The following PRR12 variants were observed in gnomAD, a reference collection of about 807,000 sequenced individuals.
PRR12 encodes the protein proline-rich protein 12.
Under a neutral mutation model 138.0 loss-of-function variants are expected in PRR12, and 12 were observed. The observed-to-expected ratio is 0.09, with a 90% CI of 0.06 to 0.14. PRR12 has a LOEUF of 0.14. Ranked by LOEUF, PRR12 falls within the 10% of genes least tolerant of loss-of-function variation. The probability of loss-of-function intolerance (pLI) is 1.00; values close to 1 mark genes in which losing one functional copy is unlikely to be tolerated. For missense variants in PRR12, 2,692 were observed against 2,861.3 expected (o/e 0.94, Z 1.35); for synonymous variants, 1,567 against 1,291.7 (o/e 1.21, Z -4.57).
Position 49,597,443 on chromosome 19 carries a change from G to C in PRR12, c.3108G>C (p.Gln1036His). ...GCCTGATCCAGAGTGGCCCCCACCA[G>C]GCGGCGCCACCACCCCCGCCTCCGC... ...PLGLIQSGPH[Q>H]AAPPPPPPPP... The change falls in exon 4 of 14, where the codon CAG (glutamine) becomes CAC (histidine). Residue 1036 changes from glutamine to histidine, a missense_variant. This residue lies in a region of PRR12 where 840 missense variants were observed against 689.8 expected (regional missense o/e 1.22). Transcript: ENST00000418929. The surrounding 1 kb of genome is among the most constrained non-coding windows in gnomAD (Gnocchi z 6.3). The C allele has an allele frequency of 6.5e-7, 1 of 1,538,670 alleles. No homozygotes were observed. Among genetic ancestry groups the C allele is most frequent in the Non-Finnish European group, 8.7e-7 (1 of 1,145,548 alleles).
intron 11 of PRR12, among the ~76,000 whole-genome samples, chr19:49,624,375 T>A (rs986926395): frequency 2.0e-5 from 3 of 148,688 alleles, no homozygotes; most frequent in Non-Finnish European, 3.0e-5. Context: ...GTGGTTAGGA[T>A]GGGGCTGAGA....
intron 6 of PRR12, among the ~76,000 whole-genome samples, chr19:49,603,782 T>G (rs542416086): frequency 6.6e-6 from 1 of 152,148 alleles, no homozygotes; most frequent in African/African-American, 2.4e-5. Context: ...ATGGGAAGAA[T>G]TAATTATTAA....
intron 8 of PRR12, 59 bp downstream of exon 8, chr19:49,615,068 G>A: frequency 1.2e-6 from 2 of 1,603,772 alleles, no homozygotes; most frequent in Non-Finnish European, 1.7e-6. Context: ...GCATGGGGAT[G>A]CGGCATGCAA....
intron 2 of PRR12, among the ~76,000 whole-genome samples, chr19:49,593,795 T>G (rs1196739406): frequency 1.3e-5 from 2 of 152,176 alleles, no homozygotes; most frequent in African/African-American, 2.4e-5. Flanking sequence ...AATTCTTTCT[T>G]CCTGATTCCC....
At chr19:49,602,889 C>T (rs966442012) in intron 6 of PRR12, among the ~76,000 whole-genome samples, 8 of 152,218 alleles carry the variant, frequency 5.3e-5, no homozygotes, top group Admixed American at 4.6e-4. Flanking sequence ...TACTTAAATA[C>T]GTAAATGCAG....
intron 2 of PRR12, among the ~76,000 whole-genome samples, chr19:49,593,649 C>G (rs953834247): frequency 6.6e-6 from 1 of 152,174 alleles, no homozygotes; most frequent in Non-Finnish European, 1.5e-5. Flanking sequence ...TCGCCCCTCC[C>G]CTTTCGCTCC....
chr19:49,599,105 G>A lies in PRR12; in HGVS notation c.3679-167G>A, dbSNP rs2080794477. 1.3e-5 allele frequency among the ~76,000 whole-genome samples: 2 copies of A among 152,156 alleles called. No individual in the cohort carries two copies. Among genetic ancestry groups the A allele is most frequent in the Admixed American group, 6.5e-5 (1 of 15,270 alleles). On this transcript the variant is annotated intron_variant, in intron 4 of 13. Transcript: ENST00000418929. The surrounding 1 kb of genome is among the most constrained non-coding windows in gnomAD (Gnocchi z 5.0). ...CCAAGTTCCTGGTCTTCTGAGGGAG[G>A]AACTCCAGTCTTGTCCTCCTAGAAT...
chr19:49,618,849 T>C (rs2080905890), intron 9 of PRR12, among the ~76,000 whole-genome samples: 1 of 151,230 alleles, frequency 6.6e-6, no homozygotes, highest in Admixed American at 6.6e-5. Flanking sequence ...TCCATCAGCC[T>C]GGACTTCAGC....
At chr19:49,609,654 T>C (rs185627091) in intron 6 of PRR12, among the ~76,000 whole-genome samples, 13 of 150,496 alleles carry the variant, frequency 8.6e-5, no homozygotes, top group Non-Finnish European at 1.2e-4. Context: ...GTTGGGGTTG[T>C]CCAGGCAGAG....
chr19:49,603,150 T>G (rs966897407), intron 6 of PRR12, among the ~76,000 whole-genome samples: 1 of 152,248 alleles, frequency 6.6e-6, no homozygotes, highest in African/African-American at 2.4e-5. Flanking sequence ...TCTACTGTAC[T>G]GGGTTCACTG....
intron 1 of PRR12, among the ~76,000 whole-genome samples, chr19:49,593,028 T>C (rs1193808631): frequency 6.6e-6 from 1 of 152,116 alleles, no homozygotes; most frequent in Non-Finnish European, 1.5e-5. Flanking sequence ...TCAAGACGCT[T>C]GCTCTGCCTT....
Position 49,597,899 on chromosome 19 carries a change from C to G in PRR12, c.3564C>G (p.Ala1188=). The G allele has an allele frequency of 2.8e-6, 4 of 1,418,410 alleles. No homozygotes were observed. Among genetic ancestry groups the G allele is most frequent in the Non-Finnish European group, 3.7e-6 (4 of 1,089,778 alleles). The allele number at this position is 1,418,410 out of a possible 1,614,324, so 87.9% of individuals were successfully genotyped here. A position where few individuals can be genotyped will look rare whatever the true frequency, so the allele number is the denominator to read the frequency against. The change falls in exon 4 of 14, where the codon GCC becomes GCG. Residue 1188 remains alanine (A), a synonymous_variant. Transcript: ENST00000418929. The surrounding 1 kb of genome is among the most constrained non-coding windows in gnomAD (Gnocchi z 6.3). The part of the protein sequence containing the change: ...PLEVPTTAGP[A]SASTPTDGAK... ...AGGTCCCGACCACTGCGGGGCCCGC[C>G]TCGGCCTCCACGCCCACCGATGGCG...
Position 49,595,525 on chromosome 19 carries a change from G to T in PRR12, c.1190G>T (p.Gly397Val). The change falls in exon 4 of 14, where the codon GGA becomes GTA. Residue 397 changes from glycine to valine, a missense_variant. Physicochemically the swap from Gly to Val is moderately radical, Grantham distance 109 (BLOSUM62 -3). Coordinates refer to ENST00000418929, the MANE Select transcript of PRR12 (RefSeq NM_020719.3). ...TACAAGACGGGCAAAGGTGGTTATG[G>T]AGCAGCTGCCGGGGGTGCCACCAGG... ...PGYKTGKGGY[G>V]AAAGGATRPP... is the part of the protein sequence containing the mutation. 1 of 1,572,362 alleles carries T rather than the reference G, an allele frequency of 6.4e-7. No homozygotes were observed. Among genetic ancestry groups the T allele is most frequent in the Non-Finnish European group, 8.6e-7 (1 of 1,159,644 alleles).
At chr19:49,619,916 C>T (rs929977380) in intron 9 of PRR12, among the ~76,000 whole-genome samples, 1 of 127,408 alleles carries the variant, frequency 7.8e-6, no homozygotes, top group Non-Finnish European at 1.5e-5. Context: ...TGTGCAATGG[C>T]ACAATCTTGG....
Position 49,596,658 on chromosome 19 carries a change from C to G in PRR12, c.2323C>G (p.Gln775Glu). 6.2e-7 allele frequency: 1 copy of G among 1,605,124 alleles called. No homozygotes were observed. Among genetic ancestry groups the G allele is most frequent in the Non-Finnish European group, 8.5e-7 (1 of 1,177,748 alleles). Residue 775 changes from glutamine (Q) to glutamate (E), a missense_variant, in exon 4 of 14, where the codon CAG (glutamine) becomes GAG (glutamate). Gln to Glu is a conservative substitution (Grantham distance 29, BLOSUM62 2). Transcript: ENST00000418929. This position sits in a 1 kb window ranked among gnomAD's most constrained non-coding sequence, Gnocchi z 5.6. ...CCCACCTCCCACGGCCCAGTCTACC[C>G]AGCCCACTCCCCATGGCCTCCTTCT... ...PPPPPTAQSTQPTPHGLLLEA... is the reference protein window; with the variant it reads ...PPPPPTAQSTEPTPHGLLLEA...
In PRR12 at chr19:49,599,272, A is replaced by G. The variant is rs1400576421; in HGVS notation, c.3679A>G (p.Ile1227Val). Residue 1227 changes from isoleucine (I) to valine (V), a missense_variant and splice_region_variant, in exon 5 of 14, where the codon ATC (isoleucine) becomes GTC (valine). Coordinates refer to ENST00000418929, the MANE Select transcript of PRR12 (RefSeq NM_020719.3). This position sits in a 1 kb window ranked among gnomAD's most constrained non-coding sequence, Gnocchi z 5.0. Reference protein sequence around the residue: ...TRLEPLKPLKIKLSVPKAGEG... With the variant: ...TRLEPLKPLKVKLSVPKAGEG... Reference sequence around the variant, plus strand: ...CACGGCCCGCCACTCCCATGTCTAGATCAAGCTGTCTGTGCCCAAGGCTGG... The same window carrying G: ...CACGGCCCGCCACTCCCATGTCTAGGTCAAGCTGTCTGTGCCCAAGGCTGG... 3.1e-6 allele frequency: 5 copies of G among 1,592,154 alleles called. No homozygotes were observed. The African/African-American group carries it at 6.7e-5, about 21-fold the overall frequency.
chr19:49,597,305 T>C lies in PRR12; in HGVS notation c.2970T>C (p.Tyr990=), dbSNP rs1458287751. 2 of 1,557,860 alleles carry C rather than the reference T, an allele frequency of 1.3e-6. No individual in the cohort carries two copies. The highest frequency in any genetic ancestry group is 1.7e-6 in the Non-Finnish European group (2 of 1,154,360). The change falls in exon 4 of 14, where the codon TAT becomes TAC. Residue 990 remains tyrosine (Y), a synonymous_variant. Transcript: ENST00000418929. This position sits in a 1 kb window ranked among gnomAD's most constrained non-coding sequence, Gnocchi z 6.3. The stretch of plus-strand genomic sequence containing the variant: ...CCGGCCCCCCTGCTTATGATCCCTA[T>C]GGGCCCTACTGTCCTGGCCGGGCGT... ...PPPGPPAYDP[Y]GPYCPGRASG...
intron 11 of PRR12, chr19:49,621,895 A>G: frequency 2.0e-6 from 1 of 488,256 alleles, no homozygotes; most frequent in Non-Finnish European, 3.8e-6. Context: ...GTGCAGCCAA[A>G]CATAGACTAG....
chr19:49,598,479 C>A (rs919377487), intron 4 of PRR12, among the ~76,000 whole-genome samples: 1 of 152,040 alleles, frequency 6.6e-6, no homozygotes, highest in Non-Finnish European at 1.5e-5. Context: ...AGGAAGTTAG[C>A]GTGAGGAATT....
Sources: gnomAD v4.1 joint callset for allele counts (sites outside exome capture counted in the v4.1 genomes callset) on GRCh38, gnomAD v4.1.1 for gene constraint, gnomAD v4.1.1 regional missense constraint, Gnocchi (gnomAD v3.1) non-coding constraint, MANE v1.5 for transcripts, NCBI Gene and HGNC (gene_info 2026-07-23, HGNC 2026-07-21) for gene names.